The following NT5C2 variants were observed in gnomAD, a reference collection of about 807,000 sequenced individuals.
NT5C2 encodes 5'-nucleotidase, cytosolic II.
NT5C2 carries 58 observed loss-of-function variants against 76.1 expected under a neutral mutation model. That is an observed-to-expected ratio of 0.76 (90% CI 0.62 to 0.95). The LOEUF is 0.95. Among genes scored for constraint, NT5C2 ranks in the 40% least tolerant of loss-of-function variants. NT5C2 has a pLI of 0.00. For missense variants in NT5C2, 478 were observed against 690.3 expected (o/e 0.69, Z 3.45); for synonymous variants, 229 against 237.4 (o/e 0.96, Z 0.32).
At position 103,090,867 on chromosome 10, in the gene NT5C2, T is replaced by C. The variant is rs1022108144; in HGVS notation, c.1272+69A>G. The C allele has an allele frequency of 1.3e-5, 19 of 1,455,558 alleles. 1 individual carries two copies. The highest frequency in any genetic ancestry group is 4.8e-6 in the Non-Finnish European group (5 of 1,050,956). 90.2% of individuals were successfully genotyped at this position (1,455,558 alleles called of 1,614,324 possible). A position where few individuals can be genotyped will look rare whatever the true frequency, so the allele number is the denominator to read the frequency against. Reference sequence around the variant, plus strand: ...AGTAGTTGAATGCTAGTCTCTATAATAAATCAGGAATGTGAAAAAAGCATT... The same window carrying C: ...AGTAGTTGAATGCTAGTCTCTATAACAAATCAGGAATGTGAAAAAAGCATT... On this transcript the variant is annotated intron_variant, in intron 17 of 18. Transcript: ENST00000404739.
intron 3 of NT5C2, 59 bp downstream of exon 3, chr10:103,174,799 G>A: frequency 1.9e-6 from 2 of 1,065,432 alleles, no homozygotes; most frequent in Admixed American, 1.7e-5. Flanking sequence ...TTCATCATCT[G>A]TAAAATGAAG....
intron 3 of NT5C2, among the ~76,000 whole-genome samples, chr10:103,171,363 ATTTT>A (rs1195266743): frequency 6.6e-6 from 1 of 152,234 alleles, no homozygotes; most frequent in African/African-American, 2.4e-5. Context: ...GCACTTAGAA[ATTTT>A]TTGTCTGCTT....
chr10:103,180,053 C>T (rs2090781207), intron 2 of NT5C2, among the ~76,000 whole-genome samples: 3 of 152,022 alleles, frequency 2.0e-5, no homozygotes, highest in Non-Finnish European at 4.4e-5. Flanking sequence ...TCTCAAAATG[C>T]AATAATAAGC....
rs1332064108 is a variant in NT5C2, at chr10:103,163,869, AAC to A, written c.101+10987_101+10988del. Among the ~76,000 whole-genome samples, 66 of 115,018 alleles carry A rather than the reference AAC, an allele frequency of 5.7e-4. 2 individuals are homozygous for A. Among genetic ancestry groups the A allele is most frequent in the Admixed American group, 1.1e-3 (13 of 11,974 alleles). The allele number at this position is 115,018 out of a possible 152,430, so 75.5% of individuals were successfully genotyped here. A position where few individuals can be genotyped will look rare whatever the true frequency, so the allele number is the denominator to read the frequency against. ...GTCTCTACTAAAAATACAAAAAAAA[AAC>A]AAAAAAAAAAAAACCTGGTGGCACA... On this transcript the variant is annotated intron_variant, in intron 3 of 18. Transcript: ENST00000404739.
Position 103,090,690 on chromosome 10 carries a change from T to C in NT5C2, c.1370A>G (p.Tyr457Cys). The C allele has an allele frequency of 6.2e-7, 1 of 1,614,170 alleles. No homozygotes were observed. The highest frequency in any genetic ancestry group is 8.5e-7 in the Non-Finnish European group (1 of 1,180,030). Residue 457 changes from tyrosine (Y) to cysteine (C), a missense_variant, in exon 18 of 19, where the codon TAT (tyrosine) becomes TGT (cysteine). Physicochemically the swap from Tyr to Cys is radical, Grantham distance 194. Transcript: ENST00000404739. ...GAAAGATGCTGCATAGAGGTCAGCA[T>C]AACGCATCACTTGACTGGCAAAAAG... ...QTLFASQVMRYADLYAASFIN... is the reference protein window; with the variant it reads ...QTLFASQVMRCADLYAASFIN...
At chr10:103,169,765 G>T (rs2087385315) in intron 3 of NT5C2, among the ~76,000 whole-genome samples, 1 of 152,044 alleles carries the variant, frequency 6.6e-6, no homozygotes, top group African/African-American at 2.4e-5. Flanking sequence ...AGGACTGCTT[G>T]CAGCCAGAAG....
intron 4 of NT5C2, among the ~76,000 whole-genome samples, chr10:103,131,582 C>T (rs1444614075): frequency 1.3e-5 from 2 of 152,198 alleles, no homozygotes; most frequent in African/African-American, 2.4e-5. Flanking sequence ...GACAAACCCA[C>T]GTTGTGGAAC....
chr10:103,175,548 C>A, intron 2 of NT5C2: 1 of 191,410 alleles, frequency 5.2e-6, no homozygotes, highest in East Asian at 1.3e-4. Context: ...CCAGCAGACC[C>A]CCATCATAGG....
chr10:103,090,793 A>C lies in NT5C2; in HGVS notation c.1273-6T>G. 1.9e-6 allele frequency: 3 copies of C among 1,613,778 alleles called. No individual in the cohort carries two copies. Among genetic ancestry groups the C allele is most frequent in the Non-Finnish European group, 2.5e-6 (3 of 1,179,826 alleles). ...TCCATGTCATGAGTTACTTTCTAAA[A>C]CAAAGAACAAGATTGATTCTTGGCT... On this transcript the variant is annotated splice_polypyrimidine_tract_variant and splice_region_variant and intron_variant, in intron 17 of 18. Transcript: ENST00000404739.
At chr10:103,137,990 G>C (rs1474993189) in intron 4 of NT5C2, among the ~76,000 whole-genome samples, 1 of 152,108 alleles carries the variant, frequency 6.6e-6, no homozygotes, top group East Asian at 1.9e-4. Context: ...AAAGGATGTG[G>C]AAACTTAAAC....
At chr10:103,164,018 T>C (rs971882517) in intron 3 of NT5C2, among the ~76,000 whole-genome samples, 2 of 151,922 alleles carry the variant, frequency 1.3e-5, no homozygotes, top group African/African-American at 4.8e-5. Context: ...GCAGGAGAAC[T>C]GTTTGAAGCC....
intron 1 of NT5C2, among the ~76,000 whole-genome samples, chr10:103,185,344 T>TAA (rs34394526): frequency 1.6e-4 from 23 of 147,016 alleles, no homozygotes; most frequent in African/African-American, 3.0e-4. Flanking sequence ...AATACTCCTT[T>TAA]AAAAAAAAAA....
At chr10:103,156,309 A>AT (rs1283183463) in intron 3 of NT5C2, among the ~76,000 whole-genome samples, 1 of 152,236 alleles carries the variant, frequency 6.6e-6, no homozygotes, top group African/African-American at 2.4e-5. Flanking sequence ...AAATAATTAG[A>AT]TTCATTTTAA....
At chr10:103,129,347 T>TG (rs1183103752) in intron 4 of NT5C2, among the ~76,000 whole-genome samples, 80 of 68,142 alleles carry the variant, frequency 1.2e-3, no homozygotes, top group African/African-American at 4.2e-3. Flanking sequence ...GGGAGGGAGG[T>TG]GGGGGGGTCA....
At chr10:103,093,112 T>C in intron 15 of NT5C2, 27 bp downstream of exon 15, 2 of 1,521,898 alleles carry the variant, frequency 1.3e-6, no homozygotes, top group Non-Finnish European at 1.8e-6. Flanking sequence ...AGATATAAAT[T>C]ACACCAAAGA....
intron 4 of NT5C2, among the ~76,000 whole-genome samples, chr10:103,109,924 C>T (rs2072499022): frequency 6.6e-6 from 1 of 152,218 alleles, no homozygotes. Flanking sequence ...ATACTTGCCA[C>T]ATTATATTTA....
chr10:103,193,110 G>C (rs1470992436), intron 1 of NT5C2, 126 bp downstream of exon 1: 1 of 151,606 alleles, frequency 6.6e-6, no homozygotes, highest in African/African-American at 2.4e-5. Context: ...ATGGTCCCTG[G>C]GGGCCGGGGG....
intron 4 of NT5C2, among the ~76,000 whole-genome samples, chr10:103,126,097 T>C (rs1029823728): frequency 7.2e-5 from 11 of 151,754 alleles, no homozygotes; most frequent in African/African-American, 2.7e-4. Flanking sequence ...AAACCTGGGG[T>C]ATAGAAAGTA....
chr10:103,146,304 C>CT (rs1206925511), intron 3 of NT5C2: 2 of 985,436 alleles, frequency 2.0e-6, no homozygotes, highest in African/African-American at 3.5e-5. Context: ...CAATGGTGAA[C>CT]TTTATCTGTA....
Sources: allele counts gnomAD v4.1 joint callset (sites outside exome capture counted in the v4.1 genomes callset), GRCh38; gene constraint gnomAD v4.1.1; transcripts MANE v1.5; gene names NCBI Gene and HGNC (gene_info 2026-07-23, HGNC 2026-07-21).